Variants in PCDH9 observed in about 807,000 individuals in gnomAD.
PCDH9 encodes protocadherin 9.
In PCDH9, 24 loss-of-function variants were observed where a neutral mutation model predicts 70.6. The ratio of observed to expected loss-of-function variants is 0.34; its 90% CI spans 0.25 to 0.48. The LOEUF is 0.48. PCDH9 is among the 20% of genes least tolerant of loss of function. The probability of loss-of-function intolerance (pLI) is 0.99; values close to 1 mark genes in which losing one functional copy is unlikely to be tolerated. For missense variants in PCDH9, 1,281 were observed against 1,503.6 expected (o/e 0.85, Z 2.45); for synonymous variants, 562 against 558.5 (o/e 1.01, Z -0.09).
At chr13:66,821,391 T>C (rs1248645546) in intron 3 of PCDH9, among the ~76,000 whole-genome samples, 4 of 152,140 alleles carry the variant, frequency 2.6e-5, no homozygotes, top group African/African-American at 4.8e-5. Context: ...TACAGAGTAA[T>C]AGGGTTTATA....
At chr13:67,024,584 G>A (rs1254513057) in intron 2 of PCDH9, among the ~76,000 whole-genome samples, 1 of 151,746 alleles carries the variant, frequency 6.6e-6, no homozygotes, top group African/African-American at 2.4e-5. Context: ...AGCATATATT[G>A]GTTAGGCTAT....
chr13:66,425,357 G>C (rs916623872), intron 4 of PCDH9, among the ~76,000 whole-genome samples: 1 of 151,634 alleles, frequency 6.6e-6, no homozygotes, highest in African/African-American at 2.4e-5. Context: ...GACTGACTCT[G>C]TAACCTCCTA....
At chr13:66,955,423 C>A (rs2083252125) in intron 2 of PCDH9, among the ~76,000 whole-genome samples, 1 of 152,128 alleles carries the variant, frequency 6.6e-6, no homozygotes, top group Non-Finnish European at 1.5e-5. Context: ...GTCATCATTC[C>A]ACTTTTTAAA....
chr13:66,586,627 T>C (rs1294980872), intron 4 of PCDH9, among the ~76,000 whole-genome samples: 1 of 152,112 alleles, frequency 6.6e-6, no homozygotes, highest in African/African-American at 2.4e-5. Flanking sequence ...ACACCACATT[T>C]GTTAACACAT....
chr13:67,104,191 T>C (rs1193888674), intron 2 of PCDH9, among the ~76,000 whole-genome samples: 1 of 152,232 alleles, frequency 6.6e-6, no homozygotes, highest in Non-Finnish European at 1.5e-5. Flanking sequence ...ATGTTGCTTT[T>C]AGGCTAGATT....
Position 66,362,161 on chromosome 13 carries a change from A to C in PCDH9, c.3341-57133T>G, listed in dbSNP as rs565588869. ...ACATTTCCTCTATTAGCTTTTGATA[A>C]AATTGATTAATAAAATTGTCAAATA... is the stretch of plus-strand genomic sequence containing the variant. On this transcript the variant is annotated intron_variant, in intron 4 of 4. Transcript: ENST00000377865. 2.6e-5 allele frequency among the ~76,000 whole-genome samples: 4 copies of C among 152,276 alleles called. No individual in the cohort carries two copies. In the South Asian group the frequency reaches 8.3e-4, roughly 32 times the overall value.
At chr13:67,054,457 T>A (rs1477054615) in intron 2 of PCDH9, among the ~76,000 whole-genome samples, 3 of 152,164 alleles carry the variant, frequency 2.0e-5, no homozygotes, top group Admixed American at 6.6e-5. Context: ...TACTTTACTT[T>A]TGTTTGAAAA....
chr13:66,995,029 A>C (rs2084083499), intron 2 of PCDH9, among the ~76,000 whole-genome samples: 1 of 152,244 alleles, frequency 6.6e-6, no homozygotes, highest in African/African-American at 2.4e-5. Flanking sequence ...CGGCCTTGTC[A>C]CCCACGCACT....
At chr13:67,106,225 C>T (rs2138254283) in intron 2 of PCDH9, among the ~76,000 whole-genome samples, 1 of 152,280 alleles carries the variant, frequency 6.6e-6, no homozygotes, top group Middle Eastern at 3.4e-3. Flanking sequence ...TCTTGGGGCT[C>T]TGCTCTATAT....
At chr13:66,373,574 A>G (rs886912844) in intron 4 of PCDH9, among the ~76,000 whole-genome samples, 1 of 152,046 alleles carries the variant, frequency 6.6e-6, no homozygotes, top group African/African-American at 2.4e-5. Flanking sequence ...AGAACCACAG[A>G]TACACTCGTA....
At chr13:66,622,167 G>T (rs941652801) in intron 4 of PCDH9, among the ~76,000 whole-genome samples, 2 of 152,350 alleles carry the variant, frequency 1.3e-5, no homozygotes, top group African/African-American at 4.8e-5. Context: ...TTGTCACCGG[G>T]CCTTGGCTGC....
At chr13:66,709,024 G>C (rs77636398) in intron 3 of PCDH9, among the ~76,000 whole-genome samples, 1 of 152,194 alleles carries the variant, frequency 6.6e-6, no homozygotes, top group Non-Finnish European at 1.5e-5. Flanking sequence ...TCAGAATTGA[G>C]ATTGAAAGCT....
chr13:66,680,147 G>C lies in PCDH9; in HGVS notation c.3139-48736C>G, dbSNP rs183730446. The stretch of plus-strand genomic sequence containing the variant: ...TTTTGGAAGTTGTCACATGCATGCT[G>C]TCATCAAAGAGCATTTCAGTTTTAT... On this transcript the variant is annotated intron_variant, in intron 3 of 4. Transcript: ENST00000377865. 1.4e-3 allele frequency among the ~76,000 whole-genome samples: 218 copies of C among 152,044 alleles called. 1 individual carries two copies. The highest frequency in any genetic ancestry group is 2.0e-3 in the Non-Finnish European group (137 of 67,876).
At chr13:66,993,815 A>C in intron 2 of PCDH9, among the ~76,000 whole-genome samples, 1 of 152,302 alleles carries the variant, frequency 6.6e-6, no homozygotes, top group South Asian at 2.1e-4. Context: ...ATAATCATTC[A>C]ATTATATTAA....
At chr13:66,873,928 T>TTTTC (rs1435762424) in intron 3 of PCDH9, among the ~76,000 whole-genome samples, 6 of 140,298 alleles carry the variant, frequency 4.3e-5, no homozygotes, top group African/African-American at 1.1e-4. Context: ...CTTTTTTTTT[T>TTTTC]TTTCTTTCTT....
chr13:66,385,846 G>A (rs558889696), intron 4 of PCDH9, among the ~76,000 whole-genome samples: 1 of 152,190 alleles, frequency 6.6e-6, no homozygotes, highest in East Asian at 1.9e-4. Flanking sequence ...ACCAAAATCA[G>A]GTTGAGAACT....
chr13:66,961,975 C>T (rs577913305), intron 2 of PCDH9, among the ~76,000 whole-genome samples: 1 of 151,792 alleles, frequency 6.6e-6, no homozygotes, highest in African/African-American at 2.4e-5. Flanking sequence ...TGCTTGAATC[C>T]GGGAGGTGGA....
At chr13:66,765,864 A>G (rs1372302967) in intron 3 of PCDH9, among the ~76,000 whole-genome samples, 1 of 152,014 alleles carries the variant, frequency 6.6e-6, no homozygotes, top group Non-Finnish European at 1.5e-5. Context: ...GCAGAAATGG[A>G]CCAAGACTAG....
intron 4 of PCDH9, among the ~76,000 whole-genome samples, chr13:66,414,482 A>C (rs1957428484): frequency 6.6e-6 from 1 of 152,246 alleles, no homozygotes. Context: ...AAGCTTAGGA[A>C]GTATGGATTG....
Sources: gnomAD v4.1 joint callset for allele counts (sites outside exome capture counted in the v4.1 genomes callset) on GRCh38, gnomAD v4.1.1 for gene constraint, MANE v1.5 for transcripts, NCBI Gene and HGNC (gene_info 2026-07-23, HGNC 2026-07-21) for gene names.